CCSER1: variants seen among roughly 807,000 people sequenced by gnomAD.
CCSER1 encodes the protein coiled-coil serine rich protein 1.
A neutral mutation model predicts 82.0 loss-of-function variants in CCSER1; 41 were observed. The ratio of observed to expected loss-of-function variants is 0.50; its 90% CI spans 0.39 to 0.65. CCSER1 has a LOEUF of 0.65. Among genes scored for constraint, CCSER1 ranks in the 30% least tolerant of loss-of-function variants. CCSER1 has a pLI of 0.00. For missense variants in CCSER1, 1,119 were observed against 1,064.2 expected (o/e 1.05, Z -0.72); for synonymous variants, 414 against 383.9 (o/e 1.08, Z -0.92).
intron 8 of CCSER1, among the ~76,000 whole-genome samples, chr4:90,916,162 T>G: frequency 6.6e-6 from 1 of 152,186 alleles, no homozygotes; most frequent in Non-Finnish European, 1.5e-5. Context: ...TGGAAAAAAC[T>G]ACTTTAAAGT....
rs1744100342 is a variant in CCSER1 at position 90,354,660 on chromosome 4, T to G, written c.1509+41613T>G. Among the ~76,000 whole-genome samples the G allele has an allele frequency of 2.0e-5, 3 of 152,148 alleles. No individual in the cohort carries two copies. In the South Asian group the frequency reaches 6.2e-4, roughly 31 times the overall value. On this transcript the variant is annotated intron_variant, in intron 3 of 10. Transcript: ENST00000509176. ...CATCTGAAATAAAAAGAAAAATAAC[T>G]AAATAAAGGTATTAATGACTTCCAT...
chr4:90,746,214 A>T (rs1747437118), intron 7 of CCSER1, among the ~76,000 whole-genome samples: 1 of 152,192 alleles, frequency 6.6e-6, no homozygotes, highest in Non-Finnish European at 1.5e-5. Context: ...AAAGGCAGAT[A>T]TATTTTATAT....
chr4:91,461,195 C>A (rs1404930296), intron 10 of CCSER1, among the ~76,000 whole-genome samples: 1 of 152,150 alleles, frequency 6.6e-6, no homozygotes, highest in Non-Finnish European at 1.5e-5. Context: ...GAAATACTTT[C>A]TTAGCACTCC....
chr4:90,410,891 G>C (rs1461423003), intron 4 of CCSER1, among the ~76,000 whole-genome samples: 1 of 152,118 alleles, frequency 6.6e-6, no homozygotes, highest in Non-Finnish European at 1.5e-5. Flanking sequence ...GACTAATAAA[G>C]AAGCAAAGAG....
chr4:91,445,175 C>G (rs920948208), intron 10 of CCSER1, among the ~76,000 whole-genome samples: 24 of 152,076 alleles, frequency 1.6e-4, no homozygotes, highest in African/African-American at 5.8e-4. Context: ...TGCTTCAACA[C>G]AAAATAATTC....
intron 6 of CCSER1, chr4:90,641,913 G>C (rs745738476): frequency 3.1e-6 from 1 of 324,368 alleles, no homozygotes; most frequent in South Asian, 2.3e-5. Context: ...CACTAATGTG[G>C]TTTTATTATG....
chr4:90,470,761 G>GAAAAAAAA (rs1764252212), intron 5 of CCSER1, among the ~76,000 whole-genome samples: 1 of 37,542 alleles, frequency 2.7e-5, no homozygotes, highest in Non-Finnish European at 4.1e-5. Context: ...TTTAATCAAA[G>GAAAAAAAA]CAAAAAAAAA....
chr4:91,059,472 TATAA>T (rs1031783265), intron 9 of CCSER1, among the ~76,000 whole-genome samples: 1 of 148,690 alleles, frequency 6.7e-6, no homozygotes, highest in African/African-American at 2.5e-5. Context: ...TATATATATA[TATAA>T]GTCTCCAAAA....
chr4:90,608,736 A>G (rs1785070220), intron 5 of CCSER1, among the ~76,000 whole-genome samples: 3 of 152,118 alleles, frequency 2.0e-5, no homozygotes, highest in South Asian at 4.1e-4. Context: ...CTAGAAAATA[A>G]TATATTCTCA....
intron 1 of CCSER1, among the ~76,000 whole-genome samples, chr4:90,147,492 G>C (rs1726033371): frequency 6.6e-6 from 1 of 152,066 alleles, no homozygotes; most frequent in Admixed American, 6.6e-5. Context: ...TATAAAAGTA[G>C]TATTGGCCAT....
Position 90,934,350 on chromosome 4 carries a change from C to T in CCSER1, c.2172+10903C>T, listed in dbSNP as rs189607946. ...TTATTTCAGGATAAGAGAAAATAAA[C>T]ATAACTATGAAAATACAAGTTAAAG... On this transcript the variant is annotated intron_variant, in intron 9 of 10. Coordinates refer to ENST00000509176, the MANE Select transcript of CCSER1 (RefSeq NM_001145065.2). Among the ~76,000 whole-genome samples, 105 of 152,152 alleles carry T rather than the reference C, an allele frequency of 6.9e-4. 1 individual carries two copies. Among genetic ancestry groups the T allele is most frequent in the African/African-American group, 2.3e-3 (97 of 41,518 alleles).
intron 10 of CCSER1, among the ~76,000 whole-genome samples, chr4:91,198,423 G>A (rs576349918): frequency 6.6e-6 from 1 of 152,198 alleles, no homozygotes; most frequent in Middle Eastern, 3.4e-3. Context: ...CATCAGGGTT[G>A]CAAAACATAA....
At chr4:90,724,792 A>G (rs946713011) in intron 7 of CCSER1, 4 of 264,932 alleles carry the variant, frequency 1.5e-5, no homozygotes, top group African/African-American at 9.0e-5. Flanking sequence ...TATGACTGCA[A>G]TATTTTAACA....
intron 10 of CCSER1, among the ~76,000 whole-genome samples, chr4:91,511,206 C>T (rs966311218): frequency 6.6e-6 from 1 of 151,958 alleles, no homozygotes; most frequent in Non-Finnish European, 1.5e-5. Context: ...GTACTAGTAC[C>T]ATGCTGTTTT....
intron 7 of CCSER1, among the ~76,000 whole-genome samples, chr4:90,726,496 GA>G (rs1443347918): frequency 6.6e-6 from 1 of 152,028 alleles, no homozygotes; most frequent in Non-Finnish European, 1.5e-5. Flanking sequence ...AAACTTTAGA[GA>G]TACATGAATT....
At chr4:91,463,759 T>G (rs1261683371) in intron 10 of CCSER1, among the ~76,000 whole-genome samples, 1 of 152,080 alleles carries the variant, frequency 6.6e-6, no homozygotes, top group Non-Finnish European at 1.5e-5. Flanking sequence ...TATCAGTGAT[T>G]GAAGATCAAA....
At position 90,872,910 on chromosome 4, in the gene CCSER1, A is replaced by G. The variant is rs1766732393; in HGVS notation, c.2095-50460A>G. On this transcript the variant is annotated intron_variant, in intron 8 of 10. Transcript: ENST00000509176. ...ATATATCATGCCACCCTCTCCTGGC[A>G]TATCAGGTTTCTACTAAGTCCCCTG... 2.0e-5 allele frequency among the ~76,000 whole-genome samples: 3 copies of G among 151,996 alleles called. No homozygotes were observed. In the South Asian group the frequency reaches 6.2e-4, roughly 31 times the overall value.
intron 7 of CCSER1, among the ~76,000 whole-genome samples, chr4:90,801,615 C>G (rs11945420): frequency 0.34 from 51,716 of 151,936 alleles, 9,008 homozygotes; most frequent in East Asian, 0.42. Context: ...TAAAAAAATA[C>G]ATTTCTAACA....
At chr4:90,911,499 C>A (rs769949657) in intron 8 of CCSER1, 1 of 325,424 alleles carries the variant, frequency 3.1e-6, no homozygotes, top group Non-Finnish European at 6.1e-6. Context: ...ATCTTGGGGG[C>A]GGTTCCAAGA....
Sources: allele counts gnomAD v4.1 joint callset (sites outside exome capture counted in the v4.1 genomes callset), GRCh38; gene constraint gnomAD v4.1.1; transcripts MANE v1.5; gene names NCBI Gene and HGNC (gene_info 2026-07-23, HGNC 2026-07-21).